Variants in DNAH14 observed in about 807,000 individuals in gnomAD.
DNAH14 encodes the protein axonemal beta dynein heavy chain 14.
A neutral mutation model predicts 520.9 loss-of-function variants in DNAH14; 478 were observed. That is an observed-to-expected ratio of 0.92 (90% CI 0.85 to 0.99). DNAH14 has a LOEUF of 0.99. Ranked by LOEUF, DNAH14 falls within the 50% of genes least tolerant of loss-of-function variation. DNAH14 has a pLI of 0.00. For synonymous variants in DNAH14, 1,581 were observed against 1,757.2 expected, an observed-to-expected ratio of 0.90 and a Z score of 2.51; for missense variants, 4,831 against 5,234.5, an observed-to-expected ratio of 0.92 and a Z score of 2.38.
chr1:225,200,081 A>G (rs975444417), intron 38 of DNAH14, among the ~76,000 whole-genome samples: 1 of 152,186 alleles, frequency 6.6e-6, no homozygotes, highest in Non-Finnish European at 1.5e-5. Context: ...TTATCATTAT[A>G]TAATGTCTCT....
In DNAH14 at chr1:225,264,089, A is replaced by T. The variant is rs1003730219; in HGVS notation, c.7158-108A>T. On this transcript the variant is annotated intron_variant, in intron 46 of 85. Coordinates refer to ENST00000682510, the MANE Select transcript of DNAH14 (RefSeq NM_001367479.1). ...GAAACAGAAAAAAAATTTTTCTTGT[A>T]AGAGTTAGAAGTAAAATTCACAATA... The T allele has an allele frequency of 5.4e-6, 5 of 924,296 alleles. No individual in the cohort carries two copies. The East Asian group carries it at 1.4e-4, about 26-fold the overall frequency. 57.3% of individuals were successfully genotyped at this position (924,296 alleles called of 1,614,324 possible). A position where few individuals can be genotyped will look rare whatever the true frequency, so the allele number is the denominator to read the frequency against.
At chr1:225,273,883 A>G (rs1001898225) in intron 52 of DNAH14, among the ~76,000 whole-genome samples, 2 of 152,080 alleles carry the variant, frequency 1.3e-5, no homozygotes, top group Non-Finnish European at 2.9e-5. Flanking sequence ...CTTTCAAGAG[A>G]ATTAAGGAGA....
At chr1:225,161,491 C>A (rs34778535) in intron 35 of DNAH14, among the ~76,000 whole-genome samples, 19,447 of 152,114 alleles carry the variant, frequency 0.13, 1,399 homozygotes, top group East Asian at 0.31. Flanking sequence ...GATATGTCTT[C>A]GATATCTGAT....
chr1:224,992,058 C>T (rs1325235817), intron 8 of DNAH14, among the ~76,000 whole-genome samples: 1 of 152,072 alleles, frequency 6.6e-6, no homozygotes, highest in African/African-American at 2.4e-5. Context: ...CGCATAGGTT[C>T]ATTTATGGGT....
intron 41 of DNAH14, among the ~76,000 whole-genome samples, chr1:225,210,444 C>T (rs1398048044): frequency 2.6e-5 from 4 of 152,094 alleles, no homozygotes; most frequent in Admixed American, 2.0e-4. Flanking sequence ...GCCACTGTAT[C>T]CAGACTGCCT....
intron 10 of DNAH14, among the ~76,000 whole-genome samples, chr1:225,011,038 A>G (rs1168242150): frequency 7.3e-6 from 1 of 136,366 alleles, no homozygotes. Flanking sequence ...AATCTCTTGA[A>G]AAAAAAACAG....
chr1:225,106,887 G>A (rs1303531391), intron 23 of DNAH14, among the ~76,000 whole-genome samples: 1 of 152,124 alleles, frequency 6.6e-6, no homozygotes, highest in African/African-American at 2.4e-5. Context: ...ACTCGTCAAA[G>A]TCATTCTCCA....
At chr1:225,054,483 AAAGT>A (rs1305156225) in intron 17 of DNAH14, among the ~76,000 whole-genome samples, 4 of 152,156 alleles carry the variant, frequency 2.6e-5, no homozygotes, top group Admixed American at 1.3e-4. Flanking sequence ...TACTGTCTAT[AAAGT>A]TCTACTCTTT....
intron 55 of DNAH14, among the ~76,000 whole-genome samples, chr1:225,296,329 A>C (rs1039670597): frequency 3.3e-5 from 5 of 152,208 alleles, no homozygotes; most frequent in African/African-American, 1.2e-4. Context: ...CAAAGTGCTG[A>C]GATTATCGGG....
intron 35 of DNAH14, among the ~76,000 whole-genome samples, chr1:225,163,009 A>T (rs2149165543): frequency 6.6e-6 from 1 of 152,006 alleles, no homozygotes; most frequent in Non-Finnish European, 1.5e-5. Flanking sequence ...GTGGTGGCAC[A>T]TGCCTGTAAT....
At chr1:225,181,724 G>A (rs2084029606) in intron 36 of DNAH14, among the ~76,000 whole-genome samples, 1 of 151,772 alleles carries the variant, frequency 6.6e-6, no homozygotes, top group South Asian at 2.1e-4. Flanking sequence ...GTTGCTTATA[G>A]ATTTTTGATA....
intron 77 of DNAH14, among the ~76,000 whole-genome samples, chr1:225,369,529 T>A (rs1023314800): frequency 6.6e-6 from 1 of 152,008 alleles, no homozygotes; most frequent in South Asian, 2.1e-4. Flanking sequence ...GGTATACATG[T>A]ACATATATAT....
At chr1:225,168,729 G>C (rs1335294524) in intron 36 of DNAH14, among the ~76,000 whole-genome samples, 1 of 152,196 alleles carries the variant, frequency 6.6e-6, no homozygotes, top group Non-Finnish European at 1.5e-5. Flanking sequence ...TGGGGGCAGG[G>C]CACAGCCAAA....
rs2061661042 is a variant in DNAH14, at chr1:224,974,083, C to G, written c.768-8C>G. On this transcript the variant is annotated splice_polypyrimidine_tract_variant and splice_region_variant and intron_variant, in intron 7 of 85. Transcript: ENST00000682510. ...GATATGGAATATAAGAAGCATTTTT[C>G]CTTTCAGAATGAATAAAGCATTTGT... is the stretch of plus-strand genomic sequence containing the variant. 15 of 1,484,266 alleles carry G rather than the reference C, an allele frequency of 1.0e-5. No homozygotes were observed. The highest frequency in any genetic ancestry group is 1.3e-5 in the Non-Finnish European group (15 of 1,112,100). The allele number at this position is 1,484,266 out of a possible 1,614,324, so 91.9% of individuals were successfully genotyped here. A position where few individuals can be genotyped will look rare whatever the true frequency, so the allele number is the denominator to read the frequency against.
intron 54 of DNAH14, among the ~76,000 whole-genome samples, chr1:225,288,969 C>A (rs2093806954): frequency 6.6e-6 from 1 of 152,142 alleles, no homozygotes; most frequent in Non-Finnish European, 1.5e-5. Context: ...TGTCTCTACA[C>A]AAGGGAAAAT....
intron 10 of DNAH14, among the ~76,000 whole-genome samples, chr1:225,012,256 T>C (rs556234932): frequency 5.3e-5 from 8 of 152,342 alleles, no homozygotes; most frequent in African/African-American, 1.9e-4. Flanking sequence ...AATTCTTTTC[T>C]TTAAGAATGT....
intron 79 of DNAH14, among the ~76,000 whole-genome samples, chr1:225,377,652 T>G (rs2095718601): frequency 6.6e-6 from 1 of 152,090 alleles, no homozygotes; most frequent in Non-Finnish European, 1.5e-5. Context: ...CCCAGTAACT[T>G]GCGAGGCTGA....
chr1:225,082,441 A>G (rs1232883823), intron 19 of DNAH14, 108 bp from the exon 20 acceptor site: 1 of 823,240 alleles, frequency 1.2e-6, no homozygotes, highest in Non-Finnish European at 1.8e-6. Context: ...ATAATTGATA[A>G]AGTAGTTTTT....
At chr1:225,100,087 G>A (rs1390689507) in intron 22 of DNAH14, among the ~76,000 whole-genome samples, 1 of 152,024 alleles carries the variant, frequency 6.6e-6, no homozygotes, top group Non-Finnish European at 1.5e-5. Context: ...ATATATTAAT[G>A]GCTTATCACA....
Sources: gnomAD v4.1 joint callset for allele counts (sites outside exome capture counted in the v4.1 genomes callset) on GRCh38, gnomAD v4.1.1 for gene constraint, MANE v1.5 for transcripts, NCBI Gene and HGNC (gene_info 2026-07-23, HGNC 2026-07-21) for gene names.